TDRD12: variants seen among roughly 807,000 people sequenced by gnomAD.
TDRD12 encodes putative ATP-dependent RNA helicase TDRD12.
TDRD12 carries 158 observed loss-of-function variants against 133.5 expected under a neutral mutation model. That is an observed-to-expected ratio of 1.18 (90% CI 1.04 to 1.35). TDRD12 has a LOEUF of 1.35. Among genes scored for constraint, TDRD12 ranks in the 40% most tolerant of loss-of-function variants. TDRD12 has a pLI of 0.00. For synonymous variants in TDRD12, 460 were observed against 477.9 expected (o/e 0.96, Z 0.49); for missense variants, 1,443 against 1,321.3 (o/e 1.09, Z -1.43).
intron 8 of TDRD12, among the ~76,000 whole-genome samples, chr19:32,765,807 T>C (rs980904659): frequency 2.0e-5 from 3 of 151,358 alleles, no homozygotes; most frequent in African/African-American, 4.9e-5. Flanking sequence ...AGTTAATGGG[T>C]GCAGCACACC....
chr19:32,800,177 T>A (rs202137796), exon 17 of TDRD12: 1 of 1,493,462 alleles, frequency 6.7e-7, no homozygotes, highest in African/African-American at 1.4e-5. Flanking sequence ...ATGTTTGCTA[T>A]ATTAGATAAC....
chr19:32,750,937 G>A (rs1397856987), intron 6 of TDRD12, among the ~76,000 whole-genome samples: 1 of 152,216 alleles, frequency 6.6e-6, no homozygotes, highest in Non-Finnish European at 1.5e-5. Context: ...TACTAGTGAT[G>A]TGAATGGTTT....
In TDRD12 at chr19:32,735,020, A is replaced by C. The variant is rs955256875; in HGVS notation, c.183+3137A>C. 2.6e-5 allele frequency among the ~76,000 whole-genome samples: 4 copies of C among 152,154 alleles called. No individual in the cohort carries two copies. In the East Asian group the frequency reaches 7.7e-4, roughly 29 times the overall value. ...CTCCACCATCTCTCTCCCTCTCCCC[A>C]GGCCTTCCTGTTCACTGACACACAA... On this transcript the variant is annotated intron_variant, in intron 2 of 27. Transcript: ENST00000444215.
intron 15 of TDRD12, 130 bp downstream of exon 15, chr19:32,798,021 C>T: frequency 1.7e-6 from 1 of 593,710 alleles, no homozygotes; most frequent in Non-Finnish European, 3.0e-6. Context: ...CACTCACAGT[C>T]ACTAGTCCAG....
intron 8 of TDRD12, among the ~76,000 whole-genome samples, chr19:32,764,809 T>G (rs1459962375): frequency 6.6e-6 from 1 of 152,216 alleles, no homozygotes; most frequent in Non-Finnish European, 1.5e-5. Context: ...CTTAGAATTT[T>G]TATGTCCTCT....
chr19:32,764,690 G>C (rs1970245364), intron 8 of TDRD12, among the ~76,000 whole-genome samples: 1 of 152,122 alleles, frequency 6.6e-6, no homozygotes, highest in African/African-American at 2.4e-5. Context: ...GGCAATTATT[G>C]AGAAAGAGGT....
chr19:32,770,990 A>G (rs1970427579), intron 8 of TDRD12, among the ~76,000 whole-genome samples: 1 of 152,190 alleles, frequency 6.6e-6, no homozygotes, highest in African/African-American at 2.4e-5. Flanking sequence ...CTGAGACAAT[A>G]ATTTAGCAAG....
chr19:32,772,699 T>C, intron 8 of TDRD12, 54 bp from the exon 9 acceptor site: 1 of 1,039,406 alleles, frequency 9.6e-7, no homozygotes, highest in Non-Finnish European at 1.4e-6. Flanking sequence ...TATCCTATTT[T>C]CTATTAATAT....
intron 16 of TDRD12, among the ~76,000 whole-genome samples, 166 bp from the exon 17 acceptor site, chr19:32,800,001 T>A (rs1971340352): frequency 6.6e-6 from 1 of 152,156 alleles, no homozygotes; most frequent in Non-Finnish European, 1.5e-5. Flanking sequence ...CCCAAAGTGC[T>A]GGGATTACAG....
chr19:32,728,379 T>G (rs183141165), intron 1 of TDRD12, among the ~76,000 whole-genome samples: 59 of 152,334 alleles, frequency 3.9e-4, no homozygotes, highest in Admixed American at 7.8e-4. Context: ...TATTAAATCT[T>G]CCAGTCAATG....
At position 32,812,981 on chromosome 19, in the gene TDRD12, G is replaced by A. The variant is rs553919685; in HGVS notation, c.3049-703G>A. 2.6e-5 allele frequency among the ~76,000 whole-genome samples: 4 copies of A among 152,060 alleles called. No individual in the cohort carries two copies. In the East Asian group the frequency reaches 5.8e-4, roughly 22 times the overall value. On this transcript the variant is annotated intron_variant, in intron 24 of 27. Transcript: ENST00000444215. Reference sequence around the variant, plus strand: ...AAGCCTGGGAGTTCAAGACCAGCCTGGGCAATATTGTGAGACCCCCATCTC... The same window carrying A: ...AAGCCTGGGAGTTCAAGACCAGCCTAGGCAATATTGTGAGACCCCCATCTC...
intron 26 of TDRD12, among the ~76,000 whole-genome samples, chr19:32,817,563 A>G (rs917813012): frequency 4.0e-5 from 6 of 151,836 alleles, no homozygotes; most frequent in Non-Finnish European, 5.9e-5. Context: ...GCTCCTGTGT[A>G]TACAGGTGTA....
chr19:32,773,501 A>G, exon 10 of TDRD12: 2 of 1,551,844 alleles, frequency 1.3e-6, no homozygotes, highest in Non-Finnish European at 1.7e-6. Context: ...AGGCATAACC[A>G]TATATGCTGA....
In TDRD12 at chr19:32,790,127, T is replaced by C. The variant is rs544897621; in HGVS notation, c.1122-404T>C. Among the ~76,000 whole-genome samples, 6 of 152,350 alleles carry C rather than the reference T, an allele frequency of 3.9e-5. No homozygotes were observed. In the East Asian group the frequency reaches 1.2e-3, roughly 29 times the overall value. On this transcript the variant is annotated intron_variant, in intron 11 of 27. Transcript: ENST00000444215. ...CCCCGCCATGTCTGTGCCTTGTGAC[T>C]TCTCTGTGACTGCCACTGGCCTTAC...
chr19:32,722,034 A>G (rs943908728), intron 1 of TDRD12, among the ~76,000 whole-genome samples: 2 of 152,116 alleles, frequency 1.3e-5, no homozygotes, highest in African/African-American at 4.8e-5. Context: ...TTTTAAAACC[A>G]GCACTCTCCT....
At chr19:32,799,770 C>G (rs181651227) in intron 16 of TDRD12, among the ~76,000 whole-genome samples, 2 of 137,920 alleles carry the variant, frequency 1.5e-5, no homozygotes, top group African/African-American at 5.4e-5. Context: ...GTCCCACCCT[C>G]GTCGCCCAGG....
chr19:32,827,213 C>T (rs1019575635), exon 10 of TDRD12: 6 of 1,231,806 alleles, frequency 4.9e-6, no homozygotes, highest in Non-Finnish European at 5.1e-6. Flanking sequence ...TGGTTGAAGA[C>T]AGTAGCAGCA....
Position 32,743,677 on chromosome 19 carries a change from A to G in TDRD12, c.440+777A>G, listed in dbSNP as rs1969503804. 1.3e-5 allele frequency among the ~76,000 whole-genome samples: 2 copies of G among 151,922 alleles called. 1 individual carries two copies. The highest frequency in any genetic ancestry group is 4.8e-5 in the African/African-American group (2 of 41,338). ...TCAGTGCTTTTACACACACTTATCT[A>G]TGTGGAGCTTTTAACGAAAATTAGA... On this transcript the variant is annotated intron_variant, in intron 4 of 27. Coordinates refer to ENST00000444215, the Ensembl canonical transcript of TDRD12.
At chr19:32,749,181 G>A (rs1290765401) in intron 5 of TDRD12, among the ~76,000 whole-genome samples, 2 of 152,106 alleles carry the variant, frequency 1.3e-5, no homozygotes, top group African/African-American at 4.8e-5. Flanking sequence ...AGCAGTGGGA[G>A]GCTGGGAGGT....
Sources: gnomAD v4.1 joint callset for allele counts (sites outside exome capture counted in the v4.1 genomes callset) on GRCh38, gnomAD v4.1.1 for gene constraint, MANE v1.5 for transcripts, NCBI Gene and HGNC (gene_info 2026-07-23, HGNC 2026-07-21) for gene names.